TINCR: variants seen among roughly 807,000 people sequenced by gnomAD.
TINCR encodes the protein TINCR-encoded ubiquitin-like protein.
chr19:5,564,003 T>C (rs1049439853), intron 1 of TINCR, among the ~76,000 whole-genome samples: 5 of 152,106 alleles, frequency 3.3e-5, no homozygotes, highest in African/African-American at 1.2e-4. Flanking sequence ...TCTCAAAGGC[T>C]CTCAAAGCAT....
At chr19:5,558,493 AACTCAGGGAT>A (rs1271462036), downstream of TINCR, 1 of 152,376 alleles carries the variant, frequency 6.6e-6, no homozygotes, top group Non-Finnish European at 1.5e-5. Context: ...CTGTGGCCCA[AACTCAGGGAT>A]ACATGGATGG....
rs948975174 is a variant in TINCR at position 5,563,265 on chromosome 19, C to A, written c.261-316G>T. On this transcript the variant is annotated intron_variant, in intron 1 of 1. Transcript: ENST00000646160. This position sits in a 1 kb window ranked among gnomAD's most constrained non-coding sequence, Gnocchi z 4.7. ...GCCCCGACTCAGGGGCTCACAGGCGCCCTCTGGCACCTGCTACGGGGAGGA... is the reference window on the plus strand; with the variant it reads ...GCCCCGACTCAGGGGCTCACAGGCGACCTCTGGCACCTGCTACGGGGAGGA... 6.6e-6 allele frequency among the ~76,000 whole-genome samples: 1 copy of A among 151,992 alleles called. No individual in the cohort carries two copies. Among genetic ancestry groups the A allele is most frequent in the Non-Finnish European group, 1.5e-5 (1 of 68,002 alleles).
rs1287617966 is a variant in TINCR at position 5,563,667 on chromosome 19, C to A, written c.261-718G>T. Among the ~76,000 whole-genome samples, 2 of 152,168 alleles carry A rather than the reference C, an allele frequency of 1.3e-5. No homozygotes were observed. The highest frequency in any genetic ancestry group is 1.9e-4 in the East Asian group (1 of 5,188). Reference sequence around the variant, plus strand: ...CGGTGGCTCACGCGTGTAATCCCAGCACTTTGGGAGGCTGAGGTAGGCAGA... The same window carrying A: ...CGGTGGCTCACGCGTGTAATCCCAGAACTTTGGGAGGCTGAGGTAGGCAGA... On this transcript the variant is annotated intron_variant, in intron 1 of 1. Transcript: ENST00000646160. This position sits in a 1 kb window ranked among gnomAD's most constrained non-coding sequence, Gnocchi z 4.7.
chr19:5,564,848 G>C (rs765404363), intron 1 of TINCR, among the ~76,000 whole-genome samples: 1 of 152,240 alleles, frequency 6.6e-6, no homozygotes. Context: ...AAAGTGCTGG[G>C]ATTGCAGGTG....
chr19:5,567,470 C>T (rs967494844), intron 1 of TINCR, among the ~76,000 whole-genome samples, 195 bp downstream of exon 1: 1 of 152,214 alleles, frequency 6.6e-6, no homozygotes, highest in Non-Finnish European at 1.5e-5. Context: ...GGCAGAGAAA[C>T]AGGCACAGAC....
intron 1 of TINCR, among the ~76,000 whole-genome samples, chr19:5,564,049 C>A (rs1000178061): frequency 1.3e-5 from 2 of 152,212 alleles, no homozygotes; most frequent in African/African-American, 2.4e-5. Context: ...CCCGTGACAA[C>A]CTGTCTCCCT....
downstream of TINCR, chr19:5,562,612 T>TG (rs942503540): frequency 6.6e-6 from 1 of 152,106 alleles, no homozygotes; most frequent in African/African-American, 2.4e-5. The surrounding 1 kb of genome is among the most constrained non-coding windows in gnomAD (Gnocchi z 4.4). Flanking sequence ...TGACAAGTGA[T>TG]GGGGAAAGAG....
rs1646519650 is a variant in TINCR, at chr19:5,563,758, C to CA, written c.261-810dup. ...GGTGAAACGGTCTCTACTAAAAATA[C>CA]AAAAAAATTAGCCAGGCATGGTGGC... is the stretch of plus-strand genomic sequence containing the variant. On this transcript the variant is annotated intron_variant, in intron 1 of 1. Coordinates refer to ENST00000646160, the Ensembl canonical transcript of TINCR. The surrounding 1 kb of genome is among the most constrained non-coding windows in gnomAD (Gnocchi z 4.7). Among the ~76,000 whole-genome samples, 1 of 151,884 alleles carries CA rather than the reference C, an allele frequency of 6.6e-6. No individual in the cohort carries two copies.
rs1472938224 is a variant in TINCR, at chr19:5,565,324, G to A, written c.260+2341C>T. On this transcript the variant is annotated intron_variant, in intron 1 of 1. Transcript: ENST00000646160. This position sits in a 1 kb window ranked among gnomAD's most constrained non-coding sequence, Gnocchi z 4.0. ...CATAGCCTGACATGTCACCTTTCCG[G>A]AGAGGCGTCCCCCAGTCACTGATCC... 6.6e-6 allele frequency among the ~76,000 whole-genome samples: 1 copy of A among 152,084 alleles called. No individual in the cohort carries two copies. The highest frequency in any genetic ancestry group is 2.4e-5 in the African/African-American group (1 of 41,402).
rs1419216808 is a variant in TINCR at position 5,563,278 on chromosome 19, G to C, written c.261-329C>G. 6.6e-6 allele frequency among the ~76,000 whole-genome samples: 1 copy of C among 152,024 alleles called. No individual in the cohort carries two copies. Among genetic ancestry groups the C allele is most frequent in the Admixed American group, 6.6e-5 (1 of 15,256 alleles). On this transcript the variant is annotated intron_variant, in intron 1 of 1. Transcript: ENST00000646160. The surrounding 1 kb of genome is among the most constrained non-coding windows in gnomAD (Gnocchi z 4.7). ...GGCTCACAGGCGCCCTCTGGCACCTGCTACGGGGAGGACAGACTTGTAGGG... is the reference window on the plus strand; with the variant it reads ...GGCTCACAGGCGCCCTCTGGCACCTCCTACGGGGAGGACAGACTTGTAGGG...
At chr19:5,561,332 G>A (rs2052101128), downstream of TINCR, 2 of 153,864 alleles carry the variant, frequency 1.3e-5, no homozygotes, top group African/African-American at 4.8e-5. Flanking sequence ...GCTCCAGCAG[G>A]AGTGTCTGAA....
At chr19:5,567,942 GGCTCCA>G (rs964133656) in exon 1 of TINCR, 100 of 378,156 alleles carry the variant, frequency 2.6e-4, no homozygotes, top group African/African-American at 1.9e-3. Flanking sequence ...GCCCGGCTCC[GGCTCCA>G]GCTCTGGCCC....
intron 1 of TINCR, among the ~76,000 whole-genome samples, chr19:5,564,023 T>G (rs2052115001): frequency 6.6e-6 from 1 of 152,142 alleles, no homozygotes. Flanking sequence ...TGACCATGAC[T>G]CAGTGCCTGC....
chr19:5,566,904 AG>A (rs2052132750), intron 1 of TINCR, among the ~76,000 whole-genome samples: 1 of 151,892 alleles, frequency 6.6e-6, no homozygotes, highest in Admixed American at 6.6e-5. Flanking sequence ...AGGGAGAAAC[AG>A]GGAGGAAAAC....
At chr19:5,564,209 CA>C (rs1259227430) in intron 1 of TINCR, among the ~76,000 whole-genome samples, 1 of 152,188 alleles carries the variant, frequency 6.6e-6, no homozygotes, top group African/African-American at 2.4e-5. Flanking sequence ...TTGTCCCGAG[CA>C]GCCCACGCAG....
intron 1 of TINCR, 30 bp downstream of exon 1, chr19:5,567,635 G>GGGGGGGGGGGCAGCC: frequency 8.9e-6 from 1 of 111,790 alleles, no homozygotes; most frequent in Non-Finnish European, 1.6e-5. Context: ...CGCCGCCCCC[G>GGGGGGGGGGGCAGCC]CCCCACCCCA....
At chr19:5,560,064 C>T (rs2052093020), downstream of TINCR, 1 of 152,176 alleles carries the variant, frequency 6.6e-6, no homozygotes. The surrounding 1 kb of genome is among the most constrained non-coding windows in gnomAD (Gnocchi z 4.5). Flanking sequence ...TCCAGGCACA[C>T]CCAGGGGCCA....
rs769156330 is a variant in TINCR at position 5,565,383 on chromosome 19, A to G, written c.260+2282T>C. ...CTTCCCTGCATCCCCCACAGCGCCA[A>G]TTGCGAGTTGACATTCTCCTGTGCT... On this transcript the variant is annotated intron_variant, in intron 1 of 1. Coordinates refer to ENST00000646160, the Ensembl canonical transcript of TINCR. The surrounding 1 kb of genome is among the most constrained non-coding windows in gnomAD (Gnocchi z 4.0). Among the ~76,000 whole-genome samples, 6 of 152,148 alleles carry G rather than the reference A, an allele frequency of 3.9e-5. No homozygotes were observed. The highest frequency in any genetic ancestry group is 2.0e-4 in the Admixed American group (3 of 15,272).
chr19:5,558,995 A>C (rs2145283428), downstream of TINCR: 1 of 152,404 alleles, frequency 6.6e-6, no homozygotes, highest in Admixed American at 6.5e-5. Context: ...GAGGAAGGAA[A>C]AGGCCGTGCA....
Sources: gnomAD v4.1 joint callset for allele counts (sites outside exome capture counted in the v4.1 genomes callset) on GRCh38, gnomAD v4.1.1 for gene constraint, Gnocchi (gnomAD v3.1) non-coding constraint, MANE v1.5 for transcripts, NCBI Gene and HGNC (gene_info 2026-07-23, HGNC 2026-07-21) for gene names.